ANKFY1: variants seen among roughly 807,000 people sequenced by gnomAD.
The protein encoded by ANKFY1 is ankyrin repeat and FYVE domain-containing protein 1.
ANKFY1 carries 47 observed loss-of-function variants against 128.3 expected under a neutral mutation model. The ratio of observed to expected loss-of-function variants is 0.37; its 90% CI spans 0.29 to 0.47. The LOEUF is 0.47. Ranked by LOEUF, ANKFY1 falls within the 20% of genes least tolerant of loss-of-function variation. ANKFY1 has a pLI of 1.00. For synonymous variants in ANKFY1, 553 were observed against 601.6 expected, an observed-to-expected ratio of 0.92 and a Z score of 1.18; for missense variants, 1,222 against 1,510.6, an observed-to-expected ratio of 0.81 and a Z score of 3.17.
At chr17:4,227,957 T>G (rs2060452166) in intron 3 of ANKFY1, among the ~76,000 whole-genome samples, 1 of 152,184 alleles carries the variant, frequency 6.6e-6, no homozygotes, top group African/African-American at 2.4e-5. Context: ...CAAGACAGTT[T>G]GGTAGTTTCT....
rs1375331955 is a variant in ANKFY1 at position 4,207,942 on chromosome 17, C to T, written c.723G>A (p.Met241Ile). ...EDVVFLYLIE[M>I]DSQLPGKLNE... ...AAGGCAGCTACAGTACCTGGGAATC[C>T]ATTTCAATCAGATACAGGAAGACCA... Residue 241 changes from methionine to isoleucine, a missense_variant, in exon 6 of 25, where the codon ATG (methionine) becomes ATA (isoleucine). By Grantham distance (10) the Met-to-Ile change is conservative (BLOSUM62 1). Coordinates refer to ENST00000341657, the MANE Select transcript of ANKFY1 (RefSeq NM_001330063.2). The T allele has an allele frequency of 1.3e-6, 2 of 1,589,284 alleles. No individual in the cohort carries two copies. The highest frequency in any genetic ancestry group is 2.3e-5 in the South Asian group (2 of 86,510).
chr17:4,238,963 G>A (rs1333499921), intron 2 of ANKFY1, among the ~76,000 whole-genome samples: 1 of 151,962 alleles, frequency 6.6e-6, no homozygotes, highest in Non-Finnish European at 1.5e-5. Flanking sequence ...TTCGCCATTT[G>A]GCCAGGCTGG....
chr17:4,208,528 C>T (rs939924433), intron 5 of ANKFY1, among the ~76,000 whole-genome samples: 1 of 152,232 alleles, frequency 6.6e-6, no homozygotes, highest in Non-Finnish European at 1.5e-5. Flanking sequence ...AAACAAGTCA[C>T]TCCACTGAGT....
chr17:4,184,954 C>A lies in ANKFY1; in HGVS notation c.1563G>T (p.Thr521=), dbSNP rs199761953. 6.2e-7 allele frequency: 1 copy of A among 1,614,050 alleles called. No homozygotes were observed. Among genetic ancestry groups the A allele is most frequent in the South Asian group, 1.1e-5 (1 of 91,088 alleles). ...LQQGANPNLQ[T]EEALPLPKEA... is the part of the protein sequence containing the mutation. ...CCTTTGGCAGAGGCAGAGCTTCCTC[C>A]GTCTGCAGGTTTGGGTTGGCGCCTT... is the stretch of plus-strand genomic sequence containing the variant. The change falls in exon 12 of 25, where the codon ACG becomes ACT. Residue 521 remains threonine (T), a synonymous_variant. Coordinates refer to ENST00000341657, the MANE Select transcript of ANKFY1 (RefSeq NM_001330063.2).
rs114386981 is a variant in ANKFY1 at position 4,189,493 on chromosome 17, G to C, written c.1373-14C>G. ...GTAAACAGTTTCCTAAAAGAAAATG[G>C]GCATTGCTGATTCTTCTGTTTGCAT... is the stretch of plus-strand genomic sequence containing the variant. On this transcript the variant is annotated splice_polypyrimidine_tract_variant and intron_variant, in intron 10 of 24. Transcript: ENST00000341657. 1,466 of 1,561,114 alleles carry C rather than the reference G, an allele frequency of 9.4e-4. 11 individuals carry two copies. The African/African-American group carries it at 0.018, about 19-fold the overall frequency.
Position 4,178,272 on chromosome 17 carries a change from T to TAAA in ANKFY1, c.2598+582_2598+584dup, listed in dbSNP as rs776926870. The TAAA allele has an allele frequency of 1.9e-5, 3 of 154,718 alleles. No homozygotes were observed. Among genetic ancestry groups the TAAA allele is most frequent in the Middle Eastern group, 3.4e-3 (1 of 296 alleles). The allele number at this position is 154,718 out of a possible 1,614,324, so 9.6% of individuals were successfully genotyped here. A position where few individuals can be genotyped will look rare whatever the true frequency, so the allele number is the denominator to read the frequency against. On this transcript the variant is annotated intron_variant, in intron 18 of 24. Coordinates refer to ENST00000341657, the MANE Select transcript of ANKFY1 (RefSeq NM_001330063.2). The surrounding 1 kb of genome is among the most constrained non-coding windows in gnomAD (Gnocchi z 4.1). The stretch of plus-strand genomic sequence containing the variant: ...ATCTCACCTTCATGAATGCCACTGA[T>TAAA]AAATGCGCCAGTACTCTAGGTGCTG...
In ANKFY1 at chr17:4,238,822, C is replaced by T. The variant is rs566518544; in HGVS notation, c.204-2932G>A. Among the ~76,000 whole-genome samples the T allele has an allele frequency of 1.0e-3, 153 of 151,508 alleles. 1 individual carries two copies. The highest frequency in any genetic ancestry group is 3.5e-3 in the Middle Eastern group (1 of 288). On this transcript the variant is annotated intron_variant, in intron 2 of 24. Coordinates refer to ENST00000341657, the MANE Select transcript of ANKFY1 (RefSeq NM_001330063.2). ...TCCCCCAGGCTGGAGTGCAGTGGCA[C>T]GACCTCAGCTCACTGCAACCTCCAC...
At chr17:4,174,225 A>G (rs562421700) in intron 19 of ANKFY1, among the ~76,000 whole-genome samples, 169 bp from the exon 20 acceptor site, 11 of 152,230 alleles carry the variant, frequency 7.2e-5, no homozygotes, top group African/African-American at 2.7e-4. Context: ...AGCAGAAACC[A>G]GCAAAACCCG....
chr17:4,258,929 T>C (rs1968266487), intron 1 of ANKFY1, among the ~76,000 whole-genome samples: 1 of 152,072 alleles, frequency 6.6e-6, no homozygotes, highest in Non-Finnish European at 1.5e-5. Context: ...ATATACTATT[T>C]ACAAAAAAAT....
At chr17:4,205,637 G>A (rs1038824961) in intron 7 of ANKFY1, among the ~76,000 whole-genome samples, 1 of 151,722 alleles carries the variant, frequency 6.6e-6, no homozygotes, top group Non-Finnish European at 1.5e-5. Context: ...AGCTACTGGG[G>A]AGGCTGAGGC....
In ANKFY1 at chr17:4,173,046, C is replaced by T. The variant is rs148914832; in HGVS notation, c.3014+308G>A. 5.0e-3 allele frequency among the ~76,000 whole-genome samples: 763 copies of T among 152,270 alleles called. 5 individuals are homozygous for T. The highest frequency in any genetic ancestry group is 0.018 in the African/African-American group (742 of 41,532). On this transcript the variant is annotated intron_variant, in intron 21 of 24. Transcript: ENST00000341657. The stretch of plus-strand genomic sequence containing the variant: ...TAATTTTTTGTATTTTTAGTAGAGA[C>T]GGGGTTTCACCAAGTTAGTCAGGAC...
intron 4 of ANKFY1, among the ~76,000 whole-genome samples, chr17:4,212,770 CTTTTTT>C (rs35264086): frequency 3.1e-5 from 4 of 130,878 alleles, no homozygotes; most frequent in Non-Finnish European, 6.4e-5. Context: ...GCAGAACACA[CTTTTTT>C]TTTTTTTTTT....
At chr17:4,168,538 G>A (rs1436549021) in intron 24 of ANKFY1, among the ~76,000 whole-genome samples, 3 of 151,942 alleles carry the variant, frequency 2.0e-5, no homozygotes, top group Non-Finnish European at 4.4e-5. Flanking sequence ...TGTGGGCCAC[G>A]CTGGAGTGCA....
chr17:4,255,638 G>C (rs894203211), intron 1 of ANKFY1, among the ~76,000 whole-genome samples: 2 of 152,068 alleles, frequency 1.3e-5, no homozygotes, highest in Non-Finnish European at 2.9e-5. Flanking sequence ...GATTGTAAAG[G>C]CTGTGATAAC....
At chr17:4,213,347 G>C (rs1041631260) in intron 4 of ANKFY1, among the ~76,000 whole-genome samples, 5 of 151,452 alleles carry the variant, frequency 3.3e-5, no homozygotes, top group Non-Finnish European at 7.4e-5. Flanking sequence ...CCGCCACCAC[G>C]ACCGGCTAAT....
intron 9 of ANKFY1, 64 bp from the exon 10 acceptor site, chr17:4,195,241 A>C: frequency 6.6e-7 from 1 of 1,504,114 alleles, no homozygotes; most frequent in Admixed American, 1.9e-5. Flanking sequence ...TACTGACAAC[A>C]ACCTGGTTCT....
intron 23 of ANKFY1, 117 bp downstream of exon 23, chr17:4,170,597 GA>G: frequency 7.1e-7 from 1 of 1,402,434 alleles, no homozygotes; most frequent in East Asian, 2.3e-5. Flanking sequence ...CTACTGCCAG[GA>G]AACGAGCGGT....
rs183463394 is a variant in ANKFY1 at position 4,164,976 on chromosome 17, C to T, written c.*2803G>A. The T allele has an allele frequency of 2.6e-5, 4 of 152,684 alleles. No homozygotes were observed. Among genetic ancestry groups the T allele is most frequent in the Admixed American group, 2.0e-4 (3 of 15,286 alleles). The allele number at this position is 152,684 out of a possible 1,614,324, so 9.5% of individuals were successfully genotyped here. ...AACTAAATTGGTAATTGGGGTTGAC[C>T]GTGCACAGGCCCAAAACTCCAAATG... On this transcript the variant is annotated 3_prime_UTR_variant, in exon 25 of 25. Coordinates refer to ENST00000341657, the MANE Select transcript of ANKFY1 (RefSeq NM_001330063.2).
At chr17:4,239,980 T>G (rs1228978069) in intron 2 of ANKFY1, among the ~76,000 whole-genome samples, 2 of 152,124 alleles carry the variant, frequency 1.3e-5, no homozygotes, top group Non-Finnish European at 2.9e-5. Context: ...CTTTCATCAT[T>G]GCTGTCCTGG....
Sources: gnomAD v4.1 joint callset for allele counts (sites outside exome capture counted in the v4.1 genomes callset) on GRCh38, gnomAD v4.1.1 for gene constraint, Gnocchi (gnomAD v3.1) non-coding constraint, MANE v1.5 for transcripts, NCBI Gene and HGNC (gene_info 2026-07-23, HGNC 2026-07-21) for gene names.